Variants in VPS4A observed in about 807,000 individuals in gnomAD.
VPS4A encodes vacuolar protein sorting-associated protein 4A.
Under a neutral mutation model 52.3 loss-of-function variants are expected in VPS4A, and 20 were observed. The ratio of observed to expected loss-of-function variants is 0.38; its 90% CI spans 0.27 to 0.56. The LOEUF (loss-of-function observed/expected upper bound fraction) is 0.56. Among genes scored for constraint, VPS4A ranks in the 20% least tolerant of loss-of-function variants. VPS4A has a pLI of 0.72. For missense variants in VPS4A, 419 were observed against 575.9 expected (o/e 0.73, Z 2.79); for synonymous variants, 293 against 227.7 (o/e 1.29, Z -2.58).
In VPS4A at chr16:69,316,132, A is replaced by C. The variant is rs3817030; in HGVS notation, c.133+13A>C. On this transcript the variant is annotated intron_variant, in intron 2 of 10. Transcript: ENST00000254950. ...CACGCTATCAAGTGTGAGTCACACG[A>C]GGGGTCCTCAGGCTGCCGCACTCCA... The C allele has an allele frequency of 0.25, 399,967 of 1,612,764 alleles. 52,428 individuals are homozygous for C. The highest frequency in any genetic ancestry group is 0.39 in the African/African-American group (29,426 of 74,906).
rs149624267 is a variant in VPS4A at position 69,315,723 on chromosome 16, C to G, written c.22-285C>G. Among the ~76,000 whole-genome samples, 466 of 152,304 alleles carry G rather than the reference C, an allele frequency of 3.1e-3. 1 individual carries two copies. The highest frequency in any genetic ancestry group is 0.011 in the African/African-American group (445 of 41,552). ...GAATAGAAAGTCCCATGAACTTGCCCCTTGAGCCCTGACCTGAGATATTAG... is the reference window on the plus strand; with the variant it reads ...GAATAGAAAGTCCCATGAACTTGCCGCTTGAGCCCTGACCTGAGATATTAG... On this transcript the variant is annotated intron_variant, in intron 1 of 10. Transcript: ENST00000254950.
intron 1 of VPS4A, among the ~76,000 whole-genome samples, chr16:69,312,965 T>TTATA (rs1965395060): frequency 6.6e-6 from 1 of 151,180 alleles, no homozygotes; most frequent in Non-Finnish European, 1.5e-5. Flanking sequence ...AACTCACCCG[T>TTATA]TATATATTTT....
chr16:69,322,364 G>A, intron 9 of VPS4A, 196 bp from the exon 10 acceptor site: 1 of 506,280 alleles, frequency 2.0e-6, no homozygotes, highest in East Asian at 3.1e-5. Context: ...TCAAGGCATT[G>A]GGGCTACAGA....
chr16:69,311,732 T>A (rs1965380381), intron 1 of VPS4A, among the ~76,000 whole-genome samples, 200 bp downstream of exon 1: 1 of 152,112 alleles, frequency 6.6e-6, no homozygotes, highest in Non-Finnish European at 1.5e-5. Context: ...CCCTCAGGCC[T>A]TCCGGCCCTG....
In VPS4A at chr16:69,321,102, G is replaced by C. The variant is rs953227769; in HGVS notation, c.903G>C (p.Gln301His). The change falls in exon 9 of 11, where the codon CAG becomes CAC. Residue 301 changes from glutamine to histidine, a missense_variant. Transcript: ENST00000254950. This position sits in a 1 kb window ranked among gnomAD's most constrained non-coding sequence, Gnocchi z 4.5. ...IPLPEEAARA[Q>H]MFRLHLGSTP... ...TGCCGGAGGAAGCTGCCCGCGCCCA[G>C]ATGTTCCGGTTGCATCTCGGGAGCA... The C allele has an allele frequency of 1.1e-5, 18 of 1,597,328 alleles. No homozygotes were observed. Among genetic ancestry groups the C allele is most frequent in the Non-Finnish European group, 1.5e-5 (18 of 1,172,138 alleles).
rs575122429 is a variant in VPS4A at position 69,321,359 on chromosome 16, C to T, written c.1071+89C>T. On this transcript the variant is annotated intron_variant, in intron 9 of 10. Transcript: ENST00000254950. This position sits in a 1 kb window ranked among gnomAD's most constrained non-coding sequence, Gnocchi z 4.5. ...TTTCCCAGCTCCTGGTCCTGCTCCCCGGCTGCTCAGGTGACACAGTCTCTG... is the reference window on the plus strand; with the variant it reads ...TTTCCCAGCTCCTGGTCCTGCTCCCTGGCTGCTCAGGTGACACAGTCTCTG... 1.0e-4 allele frequency: 145 copies of T among 1,419,312 alleles called. 1 individual carries two copies. The South Asian group carries it at 1.2e-3, about 12-fold the overall frequency. The allele number at this position is 1,419,312 out of a possible 1,614,324, so 87.9% of individuals were successfully genotyped here.
chr16:69,326,766 C>G lies in VPS4A; in HGVS notation c.*2457C>G, dbSNP rs531927069. ...AATGCTCTGAAATTCACTTCTCTGC[C>G]TGGGGATTCTGTTATAAACCTTCTG... On this transcript the variant is annotated 3_prime_UTR_variant, in exon 11 of 11. Coordinates refer to ENST00000254950, the MANE Select transcript of VPS4A (RefSeq NM_013245.3). 6.6e-6 allele frequency: 1 copy of G among 152,190 alleles called. No individual in the cohort carries two copies. Among genetic ancestry groups the G allele is most frequent in the African/African-American group, 2.4e-5 (1 of 41,442 alleles). 9.4% of individuals were successfully genotyped at this position (152,190 alleles called of 1,614,324 possible).
At position 69,320,689 on chromosome 16, in the gene VPS4A, G is replaced by A. The variant is rs201543312; in HGVS notation, c.771G>A (p.Gly257=). 7.6e-5 allele frequency: 122 copies of A among 1,601,978 alleles called. No homozygotes were observed. The highest frequency in any genetic ancestry group is 4.0e-5 in the Non-Finnish European group (47 of 1,174,388). The change falls in exon 8 of 11, where the codon GGG becomes GGA. Residue 257 remains glycine (G), a splice_region_variant and synonymous_variant. Transcript: ENST00000254950. The surrounding 1 kb of genome is among the most constrained non-coding windows in gnomAD (Gnocchi z 4.2). Reference sequence around the variant, plus strand: ...GTCTTTGTCTCCCTTTCTCCACAGGGGTGGGGAATAACAATGATGGGACTC... The same window carrying A: ...GTCTTTGTCTCCCTTTCTCCACAGGAGTGGGGAATAACAATGATGGGACTC... ...IKTEFLVQMQ[G]VGNNNDGTLV...
intron 1 of VPS4A, among the ~76,000 whole-genome samples, chr16:69,311,753 C>G (rs1248519234): frequency 6.6e-6 from 1 of 152,212 alleles, no homozygotes; most frequent in Non-Finnish European, 1.5e-5. Context: ...CCCGGCTGGC[C>G]CAGCCCCAGG....
At position 69,321,619 on chromosome 16, in the gene VPS4A, AT is replaced by A. The variant is rs1158478358; in HGVS notation, c.1071+351del. On this transcript the variant is annotated intron_variant, in intron 9 of 10. Transcript: ENST00000254950. The surrounding 1 kb of genome is among the most constrained non-coding windows in gnomAD (Gnocchi z 4.5). ...ATAAAATGACCAGGAAGACCTGTCT[AT>A]TCATTCAGCAGATCTCTGCTGAGTA... 4 of 310,808 alleles carry A rather than the reference AT, an allele frequency of 1.3e-5. No homozygotes were observed. The highest frequency in any genetic ancestry group is 8.5e-5 in the African/African-American group (4 of 46,868). The allele number at this position is 310,808 out of a possible 1,614,324, so 19.3% of individuals were successfully genotyped here.
At chr16:69,322,477 T>C (rs1965525345) in intron 9 of VPS4A, 83 bp from the exon 10 acceptor site, 3 of 1,408,280 alleles carry the variant, frequency 2.1e-6, no homozygotes, top group Non-Finnish European at 2.8e-6. Context: ...AGCATTCTCT[T>C]TGGGACTTCC....
chr16:69,318,556 A>G (rs1965466800), intron 3 of VPS4A, 94 bp from the exon 4 acceptor site: 1 of 1,382,150 alleles, frequency 7.2e-7, no homozygotes, highest in Non-Finnish European at 1.0e-6. Flanking sequence ...TCGTTCCTTA[A>G]CCAGTGTGCA....
intron 6 of VPS4A, 39 bp downstream of exon 6, chr16:69,319,582 G>A (rs767884791): frequency 1.5e-4 from 244 of 1,587,560 alleles, no homozygotes; most frequent in East Asian, 3.2e-4. Context: ...CAGCAGCCCC[G>A]GCACTGCTAG....
chr16:69,318,184 G>A (rs774344057), intron 3 of VPS4A, among the ~76,000 whole-genome samples: 2 of 152,050 alleles, frequency 1.3e-5, no homozygotes, highest in Non-Finnish European at 2.9e-5. Flanking sequence ...TGTTTCCCAG[G>A]CTGGTCTCAA....
At chr16:69,315,423 G>T (rs1017359757) in intron 1 of VPS4A, among the ~76,000 whole-genome samples, 4 of 152,186 alleles carry the variant, frequency 2.6e-5, no homozygotes, top group Non-Finnish European at 5.9e-5. Context: ...CCTTCCCAGG[G>T]TGTCACTTTA....
At position 69,324,265 on chromosome 16, in the gene VPS4A, C is replaced by A; in HGVS notation, c.1270C>A (p.Leu424Met). The A allele has an allele frequency of 6.2e-7, 1 of 1,613,958 alleles. No individual in the cohort carries two copies. ...GCCCACGGTGAATGCAGACGACCTCCTGAAAGTGAAGAAATTCTCAGAGGA... is the reference window on the plus strand; with the variant it reads ...GCCCACGGTGAATGCAGACGACCTCATGAAAGTGAAGAAATTCTCAGAGGA... ...TRPTVNADDLLKVKKFSEDFG... is the reference protein window; with the variant it reads ...TRPTVNADDLMKVKKFSEDFG... The change falls in exon 11 of 11, where the codon CTG becomes ATG. Residue 424 changes from leucine to methionine, a missense_variant. Leu to Met is a conservative substitution (Grantham distance 15, BLOSUM62 2). This residue lies in a region of VPS4A where 185 missense variants were observed against 200.2 expected (regional missense o/e 0.92). Coordinates refer to ENST00000254950, the MANE Select transcript of VPS4A (RefSeq NM_013245.3).
At position 69,320,472 on chromosome 16, in the gene VPS4A, G is replaced by A; in HGVS notation, c.769+183G>A. The A allele has an allele frequency of 1.1e-6, 1 of 895,528 alleles. No homozygotes were observed. Among genetic ancestry groups the A allele is most frequent in the Admixed American group, 2.8e-5 (1 of 35,302 alleles). The allele number at this position is 895,528 out of a possible 1,614,324, so 55.5% of individuals were successfully genotyped here. A position where few individuals can be genotyped will look rare whatever the true frequency, so the allele number is the denominator to read the frequency against. On this transcript the variant is annotated intron_variant, in intron 7 of 10. Transcript: ENST00000254950. The surrounding 1 kb of genome is among the most constrained non-coding windows in gnomAD (Gnocchi z 4.2). Reference sequence around the variant, plus strand: ...GGTGCCTGAGGCCTCTGCCTCACGGGCCACTCCACCCCTCCCATGGCAGGC... The same window carrying A: ...GGTGCCTGAGGCCTCTGCCTCACGGACCACTCCACCCCTCCCATGGCAGGC...
Position 69,316,320 on chromosome 16 carries a change from A to G in VPS4A, c.229A>G (p.Lys77Glu), listed in dbSNP as rs1464321715. The G allele has an allele frequency of 1.2e-6, 2 of 1,613,764 alleles. No homozygotes were observed. Among genetic ancestry groups the G allele is most frequent in the African/African-American group, 2.7e-5 (2 of 74,942 alleles). ...AEKLKDYLRS[K>E]EKHGKKPVKE... Reference sequence around the variant, plus strand: ...GAAGCTGAAGGATTATTTACGAAGCAAAGAGAAACACGGCAAGAAGCCAGT... The same window carrying G: ...GAAGCTGAAGGATTATTTACGAAGCGAAGAGAAACACGGCAAGAAGCCAGT... The change falls in exon 3 of 11, where the codon AAA (lysine) becomes GAA (glutamate). Residue 77 changes from lysine to glutamate, a missense_variant. Lys to Glu is a moderately conservative substitution (Grantham distance 56, BLOSUM62 1). Around this residue, in one of 3 missense-constraint regions of VPS4A, gnomAD observed 131 missense variants for 165.4 expected, o/e 0.79. Coordinates refer to ENST00000254950, the MANE Select transcript of VPS4A (RefSeq NM_013245.3).
At chr16:69,311,973 C>T (rs1261480876) in intron 1 of VPS4A, among the ~76,000 whole-genome samples, 1 of 152,280 alleles carries the variant, frequency 6.6e-6, no homozygotes, top group Non-Finnish European at 1.5e-5. Flanking sequence ...GCCCCTTCCC[C>T]AATCTTCGAC....
Sources: gnomAD v4.1 joint callset for allele counts (sites outside exome capture counted in the v4.1 genomes callset) on GRCh38, gnomAD v4.1.1 for gene constraint, gnomAD v4.1.1 regional missense constraint, Gnocchi (gnomAD v3.1) non-coding constraint, MANE v1.5 for transcripts, NCBI Gene and HGNC (gene_info 2026-07-23, HGNC 2026-07-21) for gene names.